Variants in IGF2BP2 observed in about 807,000 individuals in gnomAD.
The protein encoded by IGF2BP2 is insulin-like growth factor 2 mRNA-binding protein 2.
IGF2BP2 carries 17 observed loss-of-function variants against 75.8 expected under a neutral mutation model. The observed-to-expected ratio is 0.22, with a 90% CI of 0.15 to 0.34. The LOEUF (loss-of-function observed/expected upper bound fraction) is 0.34, where lower values mean the gene tolerates loss of function less well. Ranked by LOEUF, IGF2BP2 falls within the 10% of genes least tolerant of loss-of-function variation. The probability of loss-of-function intolerance (pLI) is 1.00; values close to 1 mark genes in which losing one functional copy is unlikely to be tolerated. For missense variants in IGF2BP2, 516 were observed against 772.4 expected (o/e 0.67, Z 3.93); for synonymous variants, 288 against 295.6 (o/e 0.97, Z 0.26).
intron 3 of IGF2BP2, among the ~76,000 whole-genome samples, chr3:185,698,031 A>G (rs1481615760): frequency 6.6e-6 from 1 of 152,204 alleles, no homozygotes; most frequent in Non-Finnish European, 1.5e-5. Flanking sequence ...AACCAGGTAT[A>G]TATTTTGTTT....
intron 2 of IGF2BP2, among the ~76,000 whole-genome samples, chr3:185,782,574 G>A (rs1735351922): frequency 6.6e-6 from 1 of 151,956 alleles, no homozygotes; most frequent in Non-Finnish European, 1.5e-5. Flanking sequence ...CTTTGAAAAG[G>A]GCTTTCCACT....
At chr3:185,686,962 G>C (rs1288294971) in intron 7 of IGF2BP2, 95 bp downstream of exon 7, 1 of 1,382,056 alleles carries the variant, frequency 7.2e-7, no homozygotes. Flanking sequence ...CTGAGTAACA[G>C]ATTTGGAGTT....
chr3:185,725,350 C>T (rs921537184), intron 2 of IGF2BP2, among the ~76,000 whole-genome samples: 1 of 152,160 alleles, frequency 6.6e-6, no homozygotes, highest in African/African-American at 2.4e-5. Flanking sequence ...AGAAGGCTAA[C>T]CTGATTGCAG....
Position 185,729,115 on chromosome 3 carries a change from T to C in IGF2BP2, c.240-30768A>G, listed in dbSNP as rs538820890. 3.9e-4 allele frequency among the ~76,000 whole-genome samples: 60 copies of C among 152,200 alleles called. 1 individual carries two copies. The South Asian group carries it at 1.0e-2, about 25-fold the overall frequency. On this transcript the variant is annotated intron_variant, in intron 2 of 15. Transcript: ENST00000382199. The stretch of plus-strand genomic sequence containing the variant: ...AGTAAAGATTACTGCTTTTTTTTTT[T>C]CCACAAAAATTTTGACCCTGGAATG...
chr3:185,802,450 T>C (rs966497439), intron 2 of IGF2BP2, among the ~76,000 whole-genome samples: 1 of 152,214 alleles, frequency 6.6e-6, no homozygotes, highest in Non-Finnish European at 1.5e-5. Context: ...AGTTCATGAA[T>C]GCAGGGACAG....
rs1324477660 is a variant in IGF2BP2 at position 185,694,215 on chromosome 3, G to A, written c.341-1453C>T. Reference sequence around the variant, plus strand: ...GAAGTCCTCACAGTGCAAAACAGGGGAGGTGTAGCACATTACTGTCCTCTC... The same window carrying A: ...GAAGTCCTCACAGTGCAAAACAGGGAAGGTGTAGCACATTACTGTCCTCTC... On this transcript the variant is annotated intron_variant, in intron 4 of 15. Transcript: ENST00000382199. Among the ~76,000 whole-genome samples the A allele has an allele frequency of 2.0e-5, 3 of 152,312 alleles. No individual in the cohort carries two copies. In the East Asian group the frequency reaches 5.8e-4, roughly 29 times the overall value.
At chr3:185,646,387 C>A (rs1682104333) in intron 15 of IGF2BP2, among the ~76,000 whole-genome samples, 1 of 152,212 alleles carries the variant, frequency 6.6e-6, no homozygotes, top group African/African-American at 2.4e-5. Context: ...GACAAACCTT[C>A]AGTGTCTGCT....
At chr3:185,728,427 A>G (rs1264565104) in intron 2 of IGF2BP2, 1 of 152,042 alleles carries the variant, frequency 6.6e-6, no homozygotes, top group African/African-American at 2.4e-5. Context: ...TTGTTTTTTA[A>G]CTCAGTTAAC....
intron 5 of IGF2BP2, 101 bp downstream of exon 5, chr3:185,692,598 G>T: frequency 9.2e-7 from 1 of 1,083,030 alleles, no homozygotes; most frequent in South Asian, 1.4e-5. Flanking sequence ...CCAGCTCAAA[G>T]ATCTGCATCT....
At chr3:185,812,401 A>G (rs1740019200) in intron 2 of IGF2BP2, among the ~76,000 whole-genome samples, 1 of 152,218 alleles carries the variant, frequency 6.6e-6, no homozygotes, top group Admixed American at 6.5e-5. Context: ...CACGCATTCT[A>G]TGTTGTTGAC....
intron 2 of IGF2BP2, among the ~76,000 whole-genome samples, chr3:185,773,316 C>T (rs544667134): frequency 1.8e-4 from 28 of 152,276 alleles, no homozygotes; most frequent in South Asian, 1.0e-3. Context: ...TATTATAACA[C>T]TATAGACTAT....
At position 185,677,068 on chromosome 3, in the gene IGF2BP2, T is replaced by TATATATATATAGAGAGAGAGAGAG; in HGVS notation, c.813-1156_813-1155insCTCTCTCTCTCTCTATATATATAT. On this transcript the variant is annotated intron_variant, in intron 7 of 15. Transcript: ENST00000382199. The stretch of plus-strand genomic sequence containing the variant: ...AGATATATATATATATATATATATA[T>TATATATATATAGAGAGAGAGAGAG]AGAGAGAGAGAGAGAGAGAGAGAGA... Among the ~76,000 whole-genome samples, 27 of 35,854 alleles carry TATATATATATAGAGAGAGAGAGAG rather than the reference T, an allele frequency of 7.5e-4. 1 individual carries two copies. The highest frequency in any genetic ancestry group is 1.0e-3 in the Non-Finnish European group (22 of 21,532). The allele number at this position is 35,854 out of a possible 152,430, so 23.5% of individuals were successfully genotyped here.
At chr3:185,781,783 T>TTGTG (rs572450928) in intron 2 of IGF2BP2, among the ~76,000 whole-genome samples, 120 of 149,436 alleles carry the variant, frequency 8.0e-4, no homozygotes, top group African/African-American at 2.7e-3. Context: ...TTGTTTGTGT[T>TTGTG]TGTGTGTGTG....
At chr3:185,722,554 G>A (rs1726730944) in intron 2 of IGF2BP2, 1 of 255,188 alleles carries the variant, frequency 3.9e-6, no homozygotes, top group South Asian at 3.7e-5. Flanking sequence ...TGGTGGGAAG[G>A]TGGGAAGGTG....
chr3:185,652,984 G>T (rs766551247), intron 12 of IGF2BP2, among the ~76,000 whole-genome samples: 3 of 152,088 alleles, frequency 2.0e-5, no homozygotes, highest in African/African-American at 4.8e-5. Flanking sequence ...GCTAATTTTT[G>T]CATTTTTAGT....
chr3:185,702,561 A>G (rs1396436896), intron 2 of IGF2BP2, among the ~76,000 whole-genome samples: 1 of 152,162 alleles, frequency 6.6e-6, no homozygotes, highest in Non-Finnish European at 1.5e-5. Context: ...ATTACAGGTA[A>G]AAGGCATTTT....
chr3:185,704,814 T>C (rs1258118096), intron 2 of IGF2BP2, among the ~76,000 whole-genome samples: 1 of 152,166 alleles, frequency 6.6e-6, no homozygotes, highest in Non-Finnish European at 1.5e-5. Flanking sequence ...TCACAGAGAC[T>C]GATTAAGAGT....
chr3:185,759,327 T>C (rs572549342), intron 2 of IGF2BP2, among the ~76,000 whole-genome samples: 18 of 152,340 alleles, frequency 1.2e-4, no homozygotes, highest in Admixed American at 4.6e-4. Flanking sequence ...CTCTACCCAT[T>C]TCTGTCCAGT....
At chr3:185,710,844 C>T (rs1724695213) in intron 2 of IGF2BP2, among the ~76,000 whole-genome samples, 1 of 151,126 alleles carries the variant, frequency 6.6e-6, no homozygotes, top group South Asian at 2.1e-4. Flanking sequence ...TATTTATCAA[C>T]AAGGTGAGGG....
Sources: allele counts gnomAD v4.1 joint callset (sites outside exome capture counted in the v4.1 genomes callset), GRCh38; gene constraint gnomAD v4.1.1; transcripts MANE v1.5; gene names NCBI Gene and HGNC (gene_info 2026-07-23, HGNC 2026-07-21).